ZNF676: variants seen among roughly 807,000 people sequenced by gnomAD.
The protein encoded by ZNF676 is zinc finger protein 676.
A neutral mutation model predicts 6.0 loss-of-function variants in ZNF676; 4 were observed. The observed-to-expected ratio is 0.67, with a 90% CI of 0.33 to 1.53. ZNF676 has a LOEUF of 1.53. Among genes scored for constraint, ZNF676 ranks in the 40% most tolerant of loss-of-function variants. The pLI, the probability that ZNF676 is intolerant of heterozygous loss-of-function variation, is 0.06. For missense variants in ZNF676, 644 were observed against 679.7 expected, an observed-to-expected ratio of 0.95 and a Z score of 0.58; for synonymous variants, 198 against 223.1, an observed-to-expected ratio of 0.89 and a Z score of 1.00.
At chr19:22,225,141 C>CA in the ZNF676 span, among the ~76,000 whole-genome samples, 1 of 152,178 alleles carries the variant, frequency 6.6e-6, no homozygotes, top group Non-Finnish European at 1.5e-5. Flanking sequence ...CAGCCCTTGG[C>CA]AAATATCTTT....
intron 1 of ZNF676, among the ~76,000 whole-genome samples, chr19:22,193,956 T>G (rs1316531716): frequency 6.6e-6 from 1 of 152,172 alleles, no homozygotes; most frequent in Non-Finnish European, 1.5e-5. Context: ...GGGTTGCACT[T>G]GCTTATCCGC....
At chr19:22,250,482 G>A in the ZNF676 span, among the ~76,000 whole-genome samples, 3 of 152,164 alleles carry the variant, frequency 2.0e-5, no homozygotes, top group Admixed American at 6.5e-5. Flanking sequence ...TTGCAGTGGC[G>A]TGATTACCTC....
At chr19:22,252,968 G>T in the ZNF676 span, among the ~76,000 whole-genome samples, 1 of 152,150 alleles carries the variant, frequency 6.6e-6, no homozygotes, top group Non-Finnish European at 1.5e-5. Context: ...CTTGGTTCTA[G>T]GTATGAGAGG....
chr19:22,210,505 C>G (rs2144819525), intron 1 of ZNF676, among the ~76,000 whole-genome samples: 1 of 152,076 alleles, frequency 6.6e-6, no homozygotes, highest in East Asian at 1.9e-4. Context: ...ATATACAACC[C>G]CCAAAAAGTC....
intron 1 of ZNF676, among the ~76,000 whole-genome samples, chr19:22,193,498 T>C (rs2023935006): frequency 6.6e-6 from 1 of 152,082 alleles, no homozygotes; most frequent in Non-Finnish European, 1.5e-5. Context: ...CTACTGCCGC[T>C]GTCTCCTTCT....
chr19:22,213,770 C>T (rs1319405959), intron 1 of ZNF676, among the ~76,000 whole-genome samples: 2 of 151,596 alleles, frequency 1.3e-5, no homozygotes, highest in Non-Finnish European at 2.9e-5. Flanking sequence ...AGAAAATGAC[C>T]CAGGAGCTGA....
upstream of ZNF676, among the ~76,000 whole-genome samples, chr19:22,220,538 A>G (rs2024238311): frequency 6.6e-6 from 1 of 151,452 alleles, no homozygotes; most frequent in Admixed American, 6.6e-5. Flanking sequence ...ACTCACTGCA[A>G]ACTTGCCTCC....
chr19:22,241,011 G>A, the ZNF676 span, among the ~76,000 whole-genome samples: 1 of 152,030 alleles, frequency 6.6e-6, no homozygotes, highest in South Asian at 2.1e-4. Context: ...TGTGGTCAGG[G>A]CACAGGCAGA....
At chr19:22,251,573 A>G in the ZNF676 span, among the ~76,000 whole-genome samples, 12 of 152,058 alleles carry the variant, frequency 7.9e-5, no homozygotes, top group Admixed American at 6.6e-5. Context: ...GCAGATCACG[A>G]TGTCAGGGGT....
At chr19:22,242,847 G>C in the ZNF676 span, among the ~76,000 whole-genome samples, 1 of 151,616 alleles carries the variant, frequency 6.6e-6, no homozygotes, top group African/African-American at 2.4e-5. Flanking sequence ...CCAAGTTGGG[G>C]GGGGGCTCTC....
At chr19:22,217,415 C>T (rs1242263360), upstream of ZNF676, among the ~76,000 whole-genome samples, 1 of 152,036 alleles carries the variant, frequency 6.6e-6, no homozygotes, top group Non-Finnish European at 1.5e-5. Flanking sequence ...GTTGGTCAGG[C>T]TTGTCTCGAA....
chr19:22,253,374 ATATATATATATATATATATATGATAATG>A, the ZNF676 span, among the ~76,000 whole-genome samples: 1 of 36,152 alleles, frequency 2.8e-5, no homozygotes, highest in African/African-American at 1.1e-4. Context: ...GTGTGTGTGT[ATATATATATATATATATATATGATAATG>A]TGTATATATA....
chr19:22,235,013 AAAGAAAGAAAGAAAG>A, the ZNF676 span, among the ~76,000 whole-genome samples: 4,857 of 117,292 alleles, frequency 0.041, 226 homozygotes, highest in Admixed American at 0.074. Flanking sequence ...AGAAAGAAAG[AAAGAAAGAAAGAAAG>A]AAAGAAAAGA....
At chr19:22,229,061 G>C in the ZNF676 span, among the ~76,000 whole-genome samples, 1 of 152,052 alleles carries the variant, frequency 6.6e-6, no homozygotes, top group African/African-American at 2.4e-5. Context: ...TAAACAAAAA[G>C]AACAAAGCTG....
the ZNF676 span, among the ~76,000 whole-genome samples, chr19:22,226,480 G>T: frequency 1.3e-5 from 2 of 152,012 alleles, no homozygotes; most frequent in Non-Finnish European, 2.9e-5. Flanking sequence ...ACCACTGTAG[G>T]TTGTACTGAC....
the ZNF676 span, among the ~76,000 whole-genome samples, chr19:22,252,489 T>C: frequency 0.23 from 34,650 of 149,684 alleles, 4,242 homozygotes; most frequent in South Asian, 0.37. Context: ...AGAGATACTC[T>C]ATAACCCCTC....
intron 2 of ZNF676, among the ~76,000 whole-genome samples, chr19:22,189,708 A>G (rs1418795623): frequency 6.6e-6 from 1 of 152,148 alleles, no homozygotes; most frequent in Non-Finnish European, 1.5e-5. Flanking sequence ...AAAATTGGGC[A>G]AAGGATATGA....
At chr19:22,221,984 TA>T in the ZNF676 span, among the ~76,000 whole-genome samples, 22 of 152,314 alleles carry the variant, frequency 1.4e-4, no homozygotes, top group East Asian at 3.9e-3. Flanking sequence ...GTAAGTAAAG[TA>T]AAAAAGTCCC....
At chr19:22,223,342 A>T in the ZNF676 span, among the ~76,000 whole-genome samples, 1 of 152,286 alleles carries the variant, frequency 6.6e-6, no homozygotes, top group South Asian at 2.1e-4. Flanking sequence ...AAGTCTTTCT[A>T]CATAACACAG....
Sources: gnomAD v4.1 joint callset for allele counts (sites outside exome capture counted in the v4.1 genomes callset) on GRCh38, gnomAD v4.1.1 for gene constraint, MANE v1.5 for transcripts, NCBI Gene and HGNC (gene_info 2026-07-23, HGNC 2026-07-21) for gene names.